Variants in PLEC observed in about 807,000 individuals in gnomAD.
PLEC encodes plectin, also known as hemidesmosomal protein 1.
PLEC carries 216 observed loss-of-function variants against 392.8 expected under a neutral mutation model. The ratio of observed to expected loss-of-function variants is 0.55; its 90% confidence interval spans 0.49 to 0.62. The LOEUF (loss-of-function observed/expected upper bound fraction) is 0.62, where lower values mean the gene tolerates loss of function less well. PLEC is among the 20% of genes least tolerant of loss of function. The pLI is 0.00. For missense variants in PLEC, 6,863 were observed against 6,563.4 expected (o/e 1.05, Z -1.58); for synonymous variants, 3,621 against 2,980.6 (o/e 1.21, Z -7.00).
In PLEC at chr8:143,919,363, G is replaced by A. The variant is rs372064842; in HGVS notation, c.10458C>T (p.Asp3486=). 68 of 1,613,706 alleles carry A rather than the reference G, an allele frequency of 4.2e-5. No individual in the cohort carries two copies. In the East Asian group the frequency reaches 6.9e-4, roughly 16 times the overall value. The change falls in exon 32 of 32, where the codon GAC becomes GAT. Residue 3486 remains aspartate, a synonymous_variant. Transcript: ENST00000345136. The part of the protein sequence containing the change: ...DPVHSHRVPV[D]VAYQRGYFSE... Reference sequence around the variant, plus strand: ...TGAAGTAGCCGCGCTGGTAGGCCACGTCCACAGGCACGCGGTGGCTGTGCA... The same window carrying A: ...TGAAGTAGCCGCGCTGGTAGGCCACATCCACAGGCACGCGGTGGCTGTGCA...
chr8:143,961,792 T>C (rs1554740963), intron 1 of PLEC, among the ~76,000 whole-genome samples: 2 of 152,226 alleles, frequency 1.3e-5, no homozygotes, highest in Non-Finnish European at 2.9e-5. Flanking sequence ...AAATTACAGA[T>C]AAATTAACAC....
rs782096761 is a variant in PLEC, at chr8:143,937,048, A to G, written c.366T>C (p.Asn122=). ...TGGGGTTGCCGTCAGCGATGTCATC[A>G]TTCCTGATGTTCACCAGCTTCACCT... ...HRQVKLVNIR[N]DDIADGNPKL... is the part of the protein sequence containing the mutation. Residue 122 remains asparagine, a synonymous_variant, in exon 5 of 32, where the codon AAT becomes AAC. Coordinates refer to ENST00000345136, the MANE Select transcript of PLEC (RefSeq NM_201384.3). 23 of 1,612,890 alleles carry G rather than the reference A, an allele frequency of 1.4e-5. No homozygotes were observed. The highest frequency in any genetic ancestry group is 1.3e-4 in the Admixed American group (8 of 59,998).
rs530403338 is a variant in PLEC at position 143,933,280 on chromosome 8, C to T, written c.1335G>A (p.Ala445=). The T allele has an allele frequency of 9.0e-5, 145 of 1,613,204 alleles. No homozygotes were observed. Among genetic ancestry groups the T allele is most frequent in the South Asian group, 8.8e-4 (80 of 91,088 alleles). The change falls in exon 13 of 32, where the codon GCG becomes GCA. Residue 445 remains alanine (A), a synonymous_variant. Coordinates refer to ENST00000345136, the MANE Select transcript of PLEC (RefSeq NM_201384.3). Reference sequence around the variant, plus strand: ...TGAAGAGCAGCCGGATCATGCTATCCGCCTTGTCCAAGTCCCGTTCCACCT... The same window carrying T: ...TGAAGAGCAGCCGGATCATGCTATCTGCCTTGTCCAAGTCCCGTTCCACCT... The part of the protein sequence containing the change: ...AGEVERDLDK[A]DSMIRLLFND...
upstream of PLEC, chr8:143,943,993 G>T: frequency 1.3e-6 from 2 of 1,521,878 alleles, no homozygotes; most frequent in Non-Finnish European, 1.8e-6. Context: ...GAGGGGGAGC[G>T]CCGGGACCGG....
chr8:143,950,900 T>C, upstream of PLEC: 1 of 1,203,696 alleles, frequency 8.3e-7, no homozygotes, highest in Non-Finnish European at 1.1e-6. Flanking sequence ...TCGTGGCGCC[T>C]GGCTCCGTGC....
At chr8:143,958,549 C>T (rs1564222755), upstream of PLEC, 1 of 389,714 alleles carries the variant, frequency 2.6e-6, no homozygotes, top group Admixed American at 2.7e-5. The surrounding 1 kb of genome is among the most constrained non-coding windows in gnomAD (Gnocchi z 4.9). Context: ...CTGGCCACCA[C>T]CCTTTCACCT....
chr8:143,923,793 G>A lies in PLEC; in HGVS notation c.6136C>T (p.Arg2046Trp), dbSNP rs782634097. The A allele has an allele frequency of 3.8e-6, 6 of 1,577,428 alleles. No homozygotes were observed. The highest frequency in any genetic ancestry group is 1.7e-5 in the Admixed American group (1 of 57,440). Residue 2046 changes from arginine (R) to tryptophan (W), a missense_variant, in exon 31 of 32, where the codon CGG becomes TGG. By Grantham distance (101) the Arg-to-Trp change is moderately radical. Coordinates refer to ENST00000345136, the MANE Select transcript of PLEC (RefSeq NM_201384.3). The stretch of plus-strand genomic sequence containing the variant: ...TGTGCCTTCTCTTCCGCCTGCAGCC[G>A]CTTCTGGGCGGCCTCCTGGGCCAGC... ...LQLAQEAAQK[R>W]LQAEEKAHAF...
chr8:143,973,991 A>G (rs1479821717), upstream of PLEC, among the ~76,000 whole-genome samples: 1 of 152,250 alleles, frequency 6.6e-6, no homozygotes, highest in Non-Finnish European at 1.5e-5. The surrounding 1 kb of genome is among the most constrained non-coding windows in gnomAD (Gnocchi z 5.6). Context: ...TAGCCCATTC[A>G]CAGAAGGAAA....
chr8:143,936,315 G>C (rs904267437), intron 5 of PLEC, among the ~76,000 whole-genome samples: 3 of 152,202 alleles, frequency 2.0e-5, no homozygotes, highest in Non-Finnish European at 4.4e-5. Context: ...TAGCTGGGGA[G>C]GGCTAGGCTG....
Position 143,921,220 on chromosome 8 carries a change from T to C in PLEC, c.8601A>G (p.Leu2867=), listed in dbSNP as rs200725005. 1.9e-6 allele frequency: 3 copies of C among 1,614,002 alleles called. No individual in the cohort carries two copies. Among genetic ancestry groups the C allele is most frequent in the African/African-American group, 1.3e-5 (1 of 75,034 alleles). The stretch of plus-strand genomic sequence containing the variant: ...CGGGGTCCTCCACGCAGCGCTCCAG[T>C]AGCTGCAGGTACGTGAGGTTCTCGT... ...NTHENLTYLQ[L]LERCVEDPET... is the part of the protein sequence containing the mutation. Residue 2867 remains leucine, a synonymous_variant, in exon 32 of 32, where the codon CTA becomes CTG. Coordinates refer to ENST00000345136, the MANE Select transcript of PLEC (RefSeq NM_201384.3).
At chr8:143,945,531 G>A (rs1032953290) in intron 1 of PLEC, among the ~76,000 whole-genome samples, 1 of 152,206 alleles carries the variant, frequency 6.6e-6, no homozygotes, top group Non-Finnish European at 1.5e-5. Flanking sequence ...TCAGGCCCAG[G>A]AGAATGCACG....
In PLEC at chr8:143,920,758, C is replaced by T. The variant is rs1274978611; in HGVS notation, c.9063G>A (p.Arg3021=). 2 of 1,605,632 alleles carry T rather than the reference C, an allele frequency of 1.2e-6. No individual in the cohort carries two copies. The highest frequency in any genetic ancestry group is 1.7e-6 in the Non-Finnish European group (2 of 1,179,930). ...ATACACCCGCGATGACGTTGGCACC[C>T]CGGAGAGCCCGCCGCACAGTGTCCA... ...AEVDTVRRAL[R]GANVIAGVWL... Residue 3021 remains arginine, a synonymous_variant, in exon 32 of 32, where the codon CGG becomes CGA. Transcript: ENST00000345136.
upstream of PLEC, among the ~76,000 whole-genome samples, chr8:143,957,351 G>A (rs1832650050): frequency 6.6e-6 from 1 of 152,140 alleles, no homozygotes; most frequent in Admixed American, 6.5e-5. Context: ...GAACTGCAGG[G>A]ACCCCCAGGC....
In PLEC at chr8:143,927,058, C is replaced by A; in HGVS notation, c.3864G>T (p.Thr1288=). 3 of 1,611,630 alleles carry A rather than the reference C, an allele frequency of 1.9e-6. No individual in the cohort carries two copies. The highest frequency in any genetic ancestry group is 1.1e-5 in the South Asian group (1 of 91,072). Reference sequence around the variant, plus strand: ...CCACCGGCTCAAGCTGCGCCTTGTACGTCACCAGCTGGAGTTCATAGTCCT... The same window carrying A: ...CCACCGGCTCAAGCTGCGCCTTGTAAGTCACCAGCTGGAGTTCATAGTCCT... The part of the protein sequence containing the change: ...AIKDYELQLV[T]YKAQLEPVAS... The change falls in exon 29 of 32, where the codon ACG becomes ACT. Residue 1288 remains threonine, a synonymous_variant. Coordinates refer to ENST00000345136, the MANE Select transcript of PLEC (RefSeq NM_201384.3).
upstream of PLEC, among the ~76,000 whole-genome samples, chr8:143,951,439 C>T (rs978103410): frequency 1.3e-4 from 20 of 152,212 alleles, no homozygotes; most frequent in Non-Finnish European, 2.5e-4. Flanking sequence ...GGGCTGCAGG[C>T]ACCGCTGCTG....
chr8:143,961,743 G>C (rs1303520211), intron 1 of PLEC, among the ~76,000 whole-genome samples: 1 of 152,188 alleles, frequency 6.6e-6, no homozygotes, highest in African/African-American at 2.4e-5. Context: ...AGTAAAAGAA[G>C]TTACTTATGT....
chr8:143,920,011 C>T lies in PLEC; in HGVS notation c.9810G>A (p.Leu3270=), dbSNP rs1563967287. 4 of 1,613,156 alleles carry T rather than the reference C, an allele frequency of 2.5e-6. No individual in the cohort carries two copies. Among genetic ancestry groups the T allele is most frequent in the East Asian group, 4.5e-5 (2 of 44,900 alleles). ...CCTTGCCCGTGCGGAACTGACGCAA[C>T]AGCTCCTGCCGCTGCTCCGCAGTGA... is the stretch of plus-strand genomic sequence containing the variant. The part of the protein sequence containing the change: ...EYFTAEQRQE[L]LRQFRTGKVT... Residue 3270 remains leucine, a synonymous_variant, in exon 32 of 32, where the codon CTG becomes CTA. Transcript: ENST00000345136.
At position 143,918,572 on chromosome 8, in the gene PLEC, T is replaced by C. The variant is rs782711904; in HGVS notation, c.11249A>G (p.Lys3750Arg). The change falls in exon 32 of 32, where the codon AAG (lysine) becomes AGG (arginine). Residue 3750 changes from lysine to arginine, a missense_variant. Coordinates refer to ENST00000345136, the MANE Select transcript of PLEC (RefSeq NM_201384.3). ...GTGCAGCTCGGGCCCCACGAGGCCC[T>C]TCCGCACAGCCTCATCCACAGTCAG... Reference protein sequence around the residue: ...ERLTVDEAVRKGLVGPELHDR... With the variant: ...ERLTVDEAVRRGLVGPELHDR... The C allele has an allele frequency of 1.2e-6, 2 of 1,611,764 alleles. No individual in the cohort carries two copies. The highest frequency in any genetic ancestry group is 1.7e-6 in the Non-Finnish European group (2 of 1,179,760).
chr8:143,934,247 G>A (rs1007516452), intron 11 of PLEC, 71 bp downstream of exon 11: 4 of 1,602,700 alleles, frequency 2.5e-6, no homozygotes, highest in African/African-American at 2.7e-5. Flanking sequence ...GCGGGGCGGG[G>A]AGGGGGGTTT....
Sources: allele counts gnomAD v4.1 joint callset (sites outside exome capture counted in the v4.1 genomes callset), GRCh38; gene constraint gnomAD v4.1.1; non-coding constraint Gnocchi (gnomAD v3.1); transcripts MANE v1.5; gene names NCBI Gene and HGNC (gene_info 2026-07-23, HGNC 2026-07-21).